Variants in DHRS1 observed in about 807,000 individuals in gnomAD.
The protein encoded by DHRS1 is dehydrogenase/reductase 1.
Under a neutral mutation model 35.2 loss-of-function variants are expected in DHRS1, and 34 were observed. The ratio of observed to expected loss-of-function variants is 0.97; its 90% CI spans 0.74 to 1.29. DHRS1 has a LOEUF of 1.29. Among genes scored for constraint, DHRS1 ranks in the 50% most tolerant of loss-of-function variants. DHRS1 has a pLI of 0.00. For synonymous variants in DHRS1, 133 were observed against 160.0 expected, an observed-to-expected ratio of 0.83 and a Z score of 1.27; for missense variants, 354 against 403.6, an observed-to-expected ratio of 0.88 and a Z score of 1.05.
Position 24,290,960 on chromosome 14 carries a change from C to CA in DHRS1, c.840dup (p.Val281CysfsTer31), listed in dbSNP as rs1296316121. On this transcript the variant is annotated frameshift_variant, in exon 9 of 9. Transcript: ENST00000288111. LOFTEE classifies it high-confidence loss of function. Reference sequence around the variant, plus strand: ...CCCAGGCCGGACACGTGTGAGAGAACAGAGCTCAAAGACAAATAGTCTTGG... The same window carrying CA: ...CCCAGGCCGGACACGTGTGAGAGAACAAGAGCTCAAAGACAAATAGTCTTGG... 2 of 1,613,944 alleles carry CA rather than the reference C, an allele frequency of 1.2e-6. No homozygotes were observed. The highest frequency in any genetic ancestry group is 1.7e-6 in the Non-Finnish European group (2 of 1,180,010).
intron 6 of DHRS1, 92 bp downstream of exon 6, chr14:24,292,092 G>T (rs2139087729): frequency 2.7e-6 from 4 of 1,505,578 alleles, no homozygotes; most frequent in Non-Finnish European, 2.8e-6. Flanking sequence ...GCCACAGTAA[G>T]CACCTGGTGA....
At chr14:24,296,419 G>T in intron 4 of DHRS1, 90 bp downstream of exon 4, 1 of 1,277,908 alleles carries the variant, frequency 7.8e-7, no homozygotes, top group Non-Finnish European at 1.1e-6. Flanking sequence ...GGAGGCCGGA[G>T]GGAAAAGGAG....
chr14:24,290,704 G>T lies in DHRS1; in HGVS notation c.*155C>A, dbSNP rs1208021158. ...ACCAAGGCACAAAGAAGGGACCTAG[G>T]CGCACCCCAGAACTCACCACGGACA... On this transcript the variant is annotated 3_prime_UTR_variant, in exon 9 of 9. Coordinates refer to ENST00000288111, the MANE Select transcript of DHRS1 (RefSeq NM_001136050.3). 61 of 873,298 alleles carry T rather than the reference G, an allele frequency of 7.0e-5. No homozygotes were observed. Among genetic ancestry groups the T allele is most frequent in the Non-Finnish European group, 1.0e-4 (58 of 566,108 alleles). The allele number at this position is 873,298 out of a possible 1,614,324, so 54.1% of individuals were successfully genotyped here.
intron 6 of DHRS1, 94 bp from the exon 7 acceptor site, chr14:24,291,719 C>A: frequency 1.5e-6 from 2 of 1,327,468 alleles, no homozygotes; most frequent in South Asian, 1.2e-5. Context: ...GAGAAAAAGA[C>A]CAAAGACCAA....
Position 24,296,787 on chromosome 14 carries a change from T to C in DHRS1, c.245A>G (p.Gln82Arg). The C allele has an allele frequency of 6.2e-7, 1 of 1,614,252 alleles. No homozygotes were observed. The highest frequency in any genetic ancestry group is 8.5e-7 in the Non-Finnish European group (1 of 1,180,032). The change falls in exon 3 of 9, where the codon CAG becomes CGG. Residue 82 changes from glutamine (Q) to arginine (R), a missense_variant. Coordinates refer to ENST00000288111, the MANE Select transcript of DHRS1 (RefSeq NM_001136050.3). ...RSLFEQVDRE[Q>R]QGRLDVLVNN... Reference sequence around the variant, plus strand: ...GACCAGCACATCTAGACGCCCTTGCTGTTCCCGATCCACTTGCTCAAACAG... The same window carrying C: ...GACCAGCACATCTAGACGCCCTTGCCGTTCCCGATCCACTTGCTCAAACAG...
At chr14:24,292,968 T>G in intron 4 of DHRS1, 184 bp from the exon 5 acceptor site, 1 of 617,970 alleles carries the variant, frequency 1.6e-6, no homozygotes, top group Non-Finnish European at 2.6e-6. Context: ...CTGGTCAAAA[T>G]AACCACTGAC....
intron 6 of DHRS1, 125 bp downstream of exon 6, chr14:24,292,059 G>T: frequency 8.5e-7 from 1 of 1,182,006 alleles, no homozygotes; most frequent in Non-Finnish European, 1.2e-6. Flanking sequence ...AATAATGTGT[G>T]TCCCATGCTC....
intron 2 of DHRS1, among the ~76,000 whole-genome samples, 180 bp from the exon 3 acceptor site, chr14:24,297,061 A>G (rs1171537608): frequency 6.6e-6 from 1 of 152,248 alleles, no homozygotes; most frequent in African/African-American, 2.4e-5. Flanking sequence ...TTCAGGAATG[A>G]TAGGCCTCCC....
chr14:24,296,909 A>G (rs747495084), intron 2 of DHRS1, 28 bp from the exon 3 acceptor site: 1 of 1,613,900 alleles, frequency 6.2e-7, no homozygotes, highest in East Asian at 2.2e-5. Flanking sequence ...ATATGAGCTC[A>G]CATTCACACA....
rs139818812 is a variant in DHRS1, at chr14:24,290,654, A to G, written c.*205T>C. ...AAGAGCATTTTTCAATACTAAGGCA[A>G]AAAGTAAAAAGAAGGACAAGGAAAA... On this transcript the variant is annotated 3_prime_UTR_variant, in exon 9 of 9. Transcript: ENST00000288111. The G allele has an allele frequency of 1.3e-3, 712 of 565,058 alleles. 1 individual carries two copies. Among genetic ancestry groups the G allele is most frequent in the Non-Finnish European group, 1.8e-3 (585 of 323,508 alleles). 35.0% of individuals were successfully genotyped at this position (565,058 alleles called of 1,614,324 possible).
chr14:24,293,835 T>C (rs1335011022), intron 4 of DHRS1: 1 of 151,644 alleles, frequency 6.6e-6, no homozygotes, highest in African/African-American at 2.4e-5. Flanking sequence ...AAAAATAAAA[T>C]AAAATAAATT....
chr14:24,292,007 T>C, intron 6 of DHRS1, 177 bp downstream of exon 6: 1 of 809,520 alleles, frequency 1.2e-6, no homozygotes, highest in Non-Finnish European at 1.9e-6. Context: ...AGTTTTGCCA[T>C]CTGTAGAATG....
rs1197520642 is a variant in DHRS1 at position 24,291,639 on chromosome 14, G to A, written c.655-14C>T. 6.2e-7 allele frequency: 1 copy of A among 1,613,336 alleles called. No individual in the cohort carries two copies. Among genetic ancestry groups the A allele is most frequent in the East Asian group, 2.2e-5 (1 of 44,874 alleles). ...GGCTGATTTGAACTGAAACACAGGGGCAGAGAAGTGAAGGGTTAATTTCCA... is the reference window on the plus strand; with the variant it reads ...GGCTGATTTGAACTGAAACACAGGGACAGAGAAGTGAAGGGTTAATTTCCA... On this transcript the variant is annotated splice_polypyrimidine_tract_variant and intron_variant, in intron 6 of 8. Coordinates refer to ENST00000288111, the MANE Select transcript of DHRS1 (RefSeq NM_001136050.3).
chr14:24,297,018 G>A, intron 2 of DHRS1, 137 bp from the exon 3 acceptor site: 1 of 1,166,648 alleles, frequency 8.6e-7, no homozygotes, highest in Admixed American at 2.1e-5. Flanking sequence ...AACATGGCAG[G>A]CAACGCTGCC....
chr14:24,293,049 A>C (rs2041190299), intron 4 of DHRS1: 5 of 439,470 alleles, frequency 1.1e-5, no homozygotes, highest in Non-Finnish European at 1.6e-5. Context: ...AATTACAAAC[A>C]AAATTGTTCA....
At chr14:24,296,700 T>C (rs1436911992) in intron 3 of DHRS1, 38 bp downstream of exon 3, 1 of 1,613,050 alleles carries the variant, frequency 6.2e-7, no homozygotes, top group Non-Finnish European at 8.5e-7. Context: ...GAGGGGGAGG[T>C]CAGAAATGTG....
At chr14:24,293,601 GAACA>G (rs1383919371) in intron 4 of DHRS1, 1 of 101,568 alleles carries the variant, frequency 9.8e-6, no homozygotes, top group Admixed American at 9.4e-5. Context: ...AAAAGAAAGA[GAACA>G]GCCAGGAAAA....
At chr14:24,296,917 A>C (rs904105488) in intron 2 of DHRS1, 36 bp from the exon 3 acceptor site, 3 of 1,613,414 alleles carry the variant, frequency 1.9e-6, no homozygotes, top group African/African-American at 2.7e-5. Context: ...TCACATTCAC[A>C]CATGGGTGTG....
chr14:24,290,845 TC>T lies in DHRS1; in HGVS notation c.*13del, dbSNP rs770734291. On this transcript the variant is annotated 3_prime_UTR_variant, in exon 9 of 9. Transcript: ENST00000288111. ...TGAGAAGACAAGCAGAGACGTAGTG[TC>T]AGACCAGGAGGGTTAGAACTTGCTA... is the stretch of plus-strand genomic sequence containing the variant. 6.2e-6 allele frequency: 10 copies of T among 1,612,994 alleles called. No individual in the cohort carries two copies. Among genetic ancestry groups the T allele is most frequent in the Non-Finnish European group, 8.5e-6 (10 of 1,179,708 alleles).
Sources: allele counts gnomAD v4.1 joint callset (sites outside exome capture counted in the v4.1 genomes callset), GRCh38; gene constraint gnomAD v4.1.1; transcripts MANE v1.5; gene names NCBI Gene and HGNC (gene_info 2026-07-23, HGNC 2026-07-21).